PAG1: variants seen among roughly 807,000 people sequenced by gnomAD.
The protein encoded by PAG1 is phosphoprotein associated with glycosphingolipid-enriched microdomains 1.
PAG1 carries 23 observed loss-of-function variants against 31.7 expected under a neutral mutation model. That is an observed-to-expected ratio of 0.73 (90% CI 0.52 to 1.03). The LOEUF (loss-of-function observed/expected upper bound fraction) is 1.03. PAG1 is among the 50% of genes least tolerant of loss of function. PAG1 has a pLI of 0.00. For synonymous variants in PAG1, 214 were observed against 210.3 expected (o/e 1.02, Z -0.15); for missense variants, 473 against 540.7 (o/e 0.87, Z 1.24).
At chr8:81,026,576 T>G (rs1462641754) in intron 3 of PAG1, among the ~76,000 whole-genome samples, 1 of 151,796 alleles carries the variant, frequency 6.6e-6, no homozygotes, top group Admixed American at 6.6e-5. Flanking sequence ...CTCCCAGCTT[T>G]CTGGCGAACT....
intron 3 of PAG1, among the ~76,000 whole-genome samples, chr8:81,010,231 T>C (rs1337602009): frequency 6.6e-6 from 1 of 152,166 alleles, no homozygotes; most frequent in African/African-American, 2.4e-5. Flanking sequence ...CCAAAGTTTC[T>C]CACATGTATA....
intron 1 of PAG1, among the ~76,000 whole-genome samples, chr8:81,073,480 A>C (rs987726349): frequency 2.6e-5 from 4 of 152,212 alleles, no homozygotes; most frequent in Admixed American, 2.0e-4. Flanking sequence ...ATTCAGGTCC[A>C]AAAGTATCCC....
chr8:80,993,604 T>C (rs1426969013), intron 3 of PAG1, among the ~76,000 whole-genome samples: 4 of 151,228 alleles, frequency 2.6e-5, no homozygotes, highest in Non-Finnish European at 5.9e-5. Flanking sequence ...TTGTTCTTTT[T>C]TTTTTTTTTT....
At chr8:81,076,594 C>CGGAA (rs1189077465) in intron 1 of PAG1, among the ~76,000 whole-genome samples, 1 of 152,148 alleles carries the variant, frequency 6.6e-6, no homozygotes, top group Non-Finnish European at 1.5e-5. Flanking sequence ...ACTGACCTTC[C>CGGAA]CATTTCCAAC....
chr8:81,050,753 G>C (rs1184014652), intron 2 of PAG1, among the ~76,000 whole-genome samples: 2 of 152,236 alleles, frequency 1.3e-5, no homozygotes, highest in Non-Finnish European at 2.9e-5. Flanking sequence ...AATGAAAGGA[G>C]AGAAGTAGGT....
chr8:80,988,624 CT>C lies in PAG1; in HGVS notation c.178-1159del, dbSNP rs529375911. On this transcript the variant is annotated intron_variant, in intron 5 of 8. Coordinates refer to ENST00000220597, the MANE Select transcript of PAG1 (RefSeq NM_018440.4). ...TACAGGTATGCACCACTATGTCTGG[CT>C]GCTCCCATAAGAGATGGGATCTTGC... Among the ~76,000 whole-genome samples the C allele has an allele frequency of 4.4e-3, 667 of 152,220 alleles. 4 individuals are homozygous for C. Among genetic ancestry groups the C allele is most frequent in the African/African-American group, 0.015 (639 of 41,534 alleles).
chr8:81,023,280 T>C (rs1209785756), intron 3 of PAG1, among the ~76,000 whole-genome samples: 2 of 152,282 alleles, frequency 1.3e-5, no homozygotes, highest in African/African-American at 2.4e-5. Flanking sequence ...TGACTTGTTT[T>C]TGAAATTTTT....
intron 3 of PAG1, among the ~76,000 whole-genome samples, chr8:81,003,731 T>C (rs920648175): frequency 1.3e-5 from 2 of 152,174 alleles, no homozygotes; most frequent in Non-Finnish European, 2.9e-5. Context: ...ATTTTATAAG[T>C]TGCCAGTGAT....
intron 1 of PAG1, among the ~76,000 whole-genome samples, chr8:81,089,554 C>A (rs945733538): frequency 3.4e-5 from 5 of 146,630 alleles, no homozygotes; most frequent in African/African-American, 1.0e-4. Context: ...GGCGACAGAG[C>A]GAGACTCCGT....
intron 1 of PAG1, among the ~76,000 whole-genome samples, chr8:81,086,683 T>G (rs7835955): frequency 0.12 from 18,190 of 152,122 alleles, 3,660 homozygotes; most frequent in African/African-American, 0.41. Flanking sequence ...CAAATATCTC[T>G]CATGAGAAAA....
At chr8:81,086,508 C>T (rs531723327) in intron 1 of PAG1, among the ~76,000 whole-genome samples, 62 of 151,528 alleles carry the variant, frequency 4.1e-4, no homozygotes, top group East Asian at 1.4e-3. Flanking sequence ...TGTGTGTGCG[C>T]GCGCGTGTGT....
rs1302192350 is a variant in PAG1, at chr8:80,970,557, C to T, written c.*5987G>A. Reference sequence around the variant, plus strand: ...CAGTGGGGGTTGCTGCTTGAGGAGACTCAGGCCAGATACAGATCACTGTGG... The same window carrying T: ...CAGTGGGGGTTGCTGCTTGAGGAGATTCAGGCCAGATACAGATCACTGTGG... On this transcript the variant is annotated 3_prime_UTR_variant, in exon 9 of 9. Transcript: ENST00000220597. The T allele has an allele frequency of 6.5e-6, 1 of 152,708 alleles. No homozygotes were observed. The highest frequency in any genetic ancestry group is 2.4e-5 in the African/African-American group (1 of 41,430). The allele number at this position is 152,708 out of a possible 1,614,324, so 9.5% of individuals were successfully genotyped here.
intron 7 of PAG1, among the ~76,000 whole-genome samples, chr8:80,980,766 T>C (rs1299346723): frequency 6.6e-6 from 1 of 152,256 alleles, no homozygotes; most frequent in Non-Finnish European, 1.5e-5. Flanking sequence ...TTTAGACTAC[T>C]GTTTCAATTC....
At chr8:81,000,020 C>T (rs190550810) in intron 3 of PAG1, among the ~76,000 whole-genome samples, 1 of 152,086 alleles carries the variant, frequency 6.6e-6, no homozygotes, top group East Asian at 1.9e-4. Context: ...TAATGCGGTA[C>T]GTTCTACACT....
chr8:81,099,343 G>A (rs1809574559), intron 1 of PAG1, among the ~76,000 whole-genome samples: 1 of 152,098 alleles, frequency 6.6e-6, no homozygotes, highest in African/African-American at 2.4e-5. Context: ...CATTATTTTT[G>A]TAGACAGAGT....
chr8:81,076,285 G>C (rs1563421525), intron 1 of PAG1, among the ~76,000 whole-genome samples: 1 of 152,222 alleles, frequency 6.6e-6, no homozygotes, highest in African/African-American at 2.4e-5. Context: ...GGACATACCA[G>C]TTTCCTTCTT....
chr8:80,976,292 G>T lies in PAG1; in HGVS notation c.*252C>A. ...AGCTGGGATCTTTTGTGGGTGGTGA[G>T]GGTGCAGCAGGGAGATGTGCTTGGG... is the stretch of plus-strand genomic sequence containing the variant. On this transcript the variant is annotated 3_prime_UTR_variant, in exon 9 of 9. Coordinates refer to ENST00000220597, the MANE Select transcript of PAG1 (RefSeq NM_018440.4). 1 of 423,980 alleles carries T rather than the reference G, an allele frequency of 2.4e-6. No homozygotes were observed. Among genetic ancestry groups the T allele is most frequent in the Non-Finnish European group, 4.2e-6 (1 of 237,648 alleles). The allele number at this position is 423,980 out of a possible 1,614,324, so 26.3% of individuals were successfully genotyped here. A position where few individuals can be genotyped will look rare whatever the true frequency, so the allele number is the denominator to read the frequency against.
At chr8:81,003,951 C>CG (rs1563625435) in intron 3 of PAG1, among the ~76,000 whole-genome samples, 1 of 152,110 alleles carries the variant, frequency 6.6e-6, no homozygotes, top group Non-Finnish European at 1.5e-5. Context: ...CATGCAGTGC[C>CG]GGGAATCACT....
chr8:81,108,293 G>A (rs4445178), intron 1 of PAG1, among the ~76,000 whole-genome samples: 97,301 of 152,096 alleles, frequency 0.64, 34,031 homozygotes, highest in East Asian at 1. Flanking sequence ...GAGGGTTCAA[G>A]TTGAAACAGA....
Sources: gnomAD v4.1 joint callset for allele counts (sites outside exome capture counted in the v4.1 genomes callset) on GRCh38, gnomAD v4.1.1 for gene constraint, MANE v1.5 for transcripts, NCBI Gene and HGNC (gene_info 2026-07-23, HGNC 2026-07-21) for gene names.